The following GNG7 variants were observed in gnomAD, a reference collection of about 807,000 sequenced individuals.
GNG7 encodes guanine nucleotide-binding protein G(I)/G(S)/G(O) subunit gamma-7.
Under a neutral mutation model 4.0 loss-of-function variants are expected in GNG7, and 1 was observed. The observed-to-expected ratio is 0.25, with a 90% CI of 0.09 to 1.18. The LOEUF is 1.18. Among genes scored for constraint, GNG7 ranks in the 50% most tolerant of loss-of-function variants. The probability of loss-of-function intolerance (pLI) is 0.50; values close to 1 mark genes in which losing one functional copy is unlikely to be tolerated. For missense variants in GNG7, 86 were observed against 91.9 expected (o/e 0.94, Z 0.26); for synonymous variants, 34 against 36.9 (o/e 0.92, Z 0.29).
chr19:2,598,172 A>G (rs1404811200), intron 2 of GNG7, among the ~76,000 whole-genome samples: 1 of 152,112 alleles, frequency 6.6e-6, no homozygotes, highest in East Asian at 1.9e-4. Context: ...TTGTTACTCT[A>G]CTACAGAGGA....
intron 1 of GNG7, among the ~76,000 whole-genome samples, chr19:2,676,136 T>A (rs1157039253): frequency 6.6e-6 from 1 of 152,206 alleles, no homozygotes; most frequent in African/African-American, 2.4e-5. Context: ...TGCCAGATGC[T>A]GGAAGAGGCA....
At chr19:2,540,566 T>C (rs1599380640) in intron 3 of GNG7, among the ~76,000 whole-genome samples, 1 of 152,214 alleles carries the variant, frequency 6.6e-6, no homozygotes, top group Admixed American at 6.5e-5. Flanking sequence ...CCAGGTGTCC[T>C]GGGCTGTAAA....
At chr19:2,603,620 G>C (rs769133240) in intron 2 of GNG7, among the ~76,000 whole-genome samples, 1 of 152,176 alleles carries the variant, frequency 6.6e-6, no homozygotes, top group African/African-American at 2.4e-5. Flanking sequence ...TCACCCTTGC[G>C]GGGCGGCGGC....
intron 3 of GNG7, among the ~76,000 whole-genome samples, chr19:2,552,479 G>T (rs1979362659): frequency 6.6e-6 from 1 of 151,992 alleles, no homozygotes; most frequent in Admixed American, 6.6e-5. Context: ...CCGCCTCCCG[G>T]GTTCAAGCGA....
intron 2 of GNG7, among the ~76,000 whole-genome samples, chr19:2,564,888 TAAA>T (rs111381080): frequency 9.1e-5 from 12 of 132,532 alleles, no homozygotes; most frequent in African/African-American, 2.3e-4. Flanking sequence ...ATTGGTCATT[TAAA>T]AAAAAAAAAA....
intron 2 of GNG7, among the ~76,000 whole-genome samples, chr19:2,639,148 C>T (rs1982413034): frequency 6.6e-6 from 1 of 151,690 alleles, no homozygotes; most frequent in Admixed American, 6.6e-5. Context: ...GCGGGAGAAT[C>T]GCTTGAACCC....
chr19:2,679,462 A>G (rs1983676192), intron 1 of GNG7, among the ~76,000 whole-genome samples: 1 of 152,138 alleles, frequency 6.6e-6, no homozygotes, highest in African/African-American at 2.4e-5. Context: ...GTCCATCCCA[A>G]TCTTTTCAAT....
chr19:2,615,733 G>A (rs1981707469), intron 2 of GNG7, among the ~76,000 whole-genome samples: 1 of 151,792 alleles, frequency 6.6e-6, no homozygotes, highest in South Asian at 2.1e-4. Context: ...AAAGTGCTGG[G>A]ATTACAGGCA....
At chr19:2,522,503 G>A (rs1278169031) in intron 3 of GNG7, among the ~76,000 whole-genome samples, 3 of 151,928 alleles carry the variant, frequency 2.0e-5, no homozygotes, top group African/African-American at 2.4e-5. Flanking sequence ...GGCCGGGCGC[G>A]GTGGCTCACG....
chr19:2,688,894 C>G (rs1476165684), intron 1 of GNG7, among the ~76,000 whole-genome samples: 2 of 151,810 alleles, frequency 1.3e-5, no homozygotes, highest in Non-Finnish European at 2.9e-5. Context: ...AGCGAGACCT[C>G]ATCTCTACAA....
chr19:2,548,028 C>T (rs1979184762), intron 3 of GNG7, among the ~76,000 whole-genome samples: 1 of 152,164 alleles, frequency 6.6e-6, no homozygotes, highest in African/African-American at 2.4e-5. Flanking sequence ...ATCAGAATGG[C>T]TAGAGGTCAC....
intron 2 of GNG7, among the ~76,000 whole-genome samples, chr19:2,562,712 T>C (rs1322459235): frequency 6.6e-6 from 1 of 152,076 alleles, no homozygotes; most frequent in Non-Finnish European, 1.5e-5. Context: ...GCTCCCAGCG[T>C]ACACTGGAAT....
intron 2 of GNG7, among the ~76,000 whole-genome samples, chr19:2,579,996 C>A (rs1190967124): frequency 2.0e-5 from 3 of 152,154 alleles, no homozygotes; most frequent in South Asian, 4.1e-4. Flanking sequence ...CTTGTGTCCT[C>A]CTCGGACACC....
chr19:2,567,417 C>T (rs1439725801), intron 2 of GNG7, among the ~76,000 whole-genome samples: 1 of 151,174 alleles, frequency 6.6e-6, no homozygotes, highest in African/African-American at 2.4e-5. Context: ...CCTCGACCTC[C>T]CAGGCTCAAG....
rs1353168617 is a variant in GNG7, at chr19:2,546,113, A to T, written c.-38+9036T>A. 6.6e-6 allele frequency among the ~76,000 whole-genome samples: 1 copy of T among 152,208 alleles called. No individual in the cohort carries two copies. The highest frequency in any genetic ancestry group is 1.5e-5 in the Non-Finnish European group (1 of 68,030). On this transcript the variant is annotated intron_variant, in intron 3 of 4. Transcript: ENST00000382159. This position sits in a 1 kb window ranked among gnomAD's most constrained non-coding sequence, Gnocchi z 6.3. Reference sequence around the variant, plus strand: ...GGATGCAGGCCCCCCACGGCCTGCCATGTTCTCACCAGGACGCCAAAGAGG... The same window carrying T: ...GGATGCAGGCCCCCCACGGCCTGCCTTGTTCTCACCAGGACGCCAAAGAGG...
At chr19:2,530,841 G>A (rs1056782265) in intron 3 of GNG7, among the ~76,000 whole-genome samples, 1 of 152,184 alleles carries the variant, frequency 6.6e-6, no homozygotes, top group Non-Finnish European at 1.5e-5. Flanking sequence ...GCCTGGGTTT[G>A]GGGTCACTTT....
intron 2 of GNG7, among the ~76,000 whole-genome samples, chr19:2,638,762 G>T (rs1034704546): frequency 6.6e-6 from 1 of 151,952 alleles, no homozygotes; most frequent in Non-Finnish European, 1.5e-5. Context: ...GGGGAGGGGA[G>T]GGTTGGGTCA....
chr19:2,620,482 G>A (rs189290812), intron 2 of GNG7, among the ~76,000 whole-genome samples: 1 of 152,240 alleles, frequency 6.6e-6, no homozygotes, highest in African/African-American at 2.4e-5. Flanking sequence ...TAAAAAAGGC[G>A]AAACCTCAGA....
intron 1 of GNG7, among the ~76,000 whole-genome samples, chr19:2,672,107 A>G (rs1302607414): frequency 1.4e-5 from 2 of 147,556 alleles, no homozygotes; most frequent in Non-Finnish European, 3.0e-5. Context: ...GCGCAGTCTC[A>G]GCTCACTGCA....
Sources: gnomAD v4.1 joint callset for allele counts (sites outside exome capture counted in the v4.1 genomes callset) on GRCh38, gnomAD v4.1.1 for gene constraint, Gnocchi (gnomAD v3.1) non-coding constraint, MANE v1.5 for transcripts, NCBI Gene and HGNC (gene_info 2026-07-23, HGNC 2026-07-21) for gene names.